Variants in CENPP observed in about 807,000 individuals in gnomAD.
The protein encoded by CENPP is centromere protein P.
In CENPP, 24 loss-of-function variants were observed where a neutral mutation model predicts 35.6. That is an observed-to-expected ratio of 0.67 (90% CI 0.49 to 0.95). The LOEUF (loss-of-function observed/expected upper bound fraction) is 0.95. CENPP is among the 40% of genes least tolerant of loss of function. The probability of loss-of-function intolerance (pLI) is 0.00; values close to 1 mark genes in which losing one functional copy is unlikely to be tolerated. For synonymous variants in CENPP, 120 were observed against 125.5 expected, an observed-to-expected ratio of 0.96 and a Z score of 0.29; for missense variants, 332 against 345.3, an observed-to-expected ratio of 0.96 and a Z score of 0.31.
rs1243791399 is a variant in CENPP at position 92,618,280 on chromosome 9, G to A, written c.*5131G>A. On this transcript the variant is annotated 3_prime_UTR_variant, in exon 8 of 8. Transcript: ENST00000375587. The stretch of plus-strand genomic sequence containing the variant: ...TAGGTCTGAGAAGCCACATGGCTCA[G>A]TGCCTTCAGGACATGCCCTCCCCTC... 1 of 456,604 alleles carries A rather than the reference G, an allele frequency of 2.2e-6. No individual in the cohort carries two copies. The highest frequency in any genetic ancestry group is 4.4e-6 in the Non-Finnish European group (1 of 226,982). 28.3% of individuals were successfully genotyped at this position (456,604 alleles called of 1,614,324 possible).
chr9:92,555,273 G>A (rs1353527221), intron 5 of CENPP, among the ~76,000 whole-genome samples: 2 of 117,346 alleles, frequency 1.7e-5, no homozygotes, highest in East Asian at 2.9e-4. Context: ...TGTTGTCCAA[G>A]CTGGAGTACA....
intron 5 of CENPP, chr9:92,415,588 A>T (rs946030012): frequency 6.5e-5 from 30 of 461,500 alleles, no homozygotes; most frequent in Non-Finnish European, 9.1e-5. Flanking sequence ...GTTAATTAAA[A>T]TATTTATAAA....
chr9:92,466,515 G>A lies in CENPP; in HGVS notation c.564+86656G>A, dbSNP rs569274142. 1.7e-5 allele frequency: 27 copies of A among 1,613,972 alleles called. No homozygotes were observed. In the African/African-American group the frequency reaches 1.9e-4, roughly 11 times the overall value. On this transcript the variant is annotated intron_variant, in intron 5 of 7. Coordinates refer to ENST00000375587, the MANE Select transcript of CENPP (RefSeq NM_001012267.3). ...GATACAGCCTTCGCAACTTCTTTGTGGTTAGAAAGGCTTTTGGGTGAATCT... is the reference window on the plus strand; with the variant it reads ...GATACAGCCTTCGCAACTTCTTTGTAGTTAGAAAGGCTTTTGGGTGAATCT...
chr9:92,505,615 T>G (rs778638700), intron 5 of CENPP: 2 of 1,611,504 alleles, frequency 1.2e-6, no homozygotes, highest in South Asian at 2.2e-5. Context: ...CTTCAAAGGT[T>G]TGAAAGCTAA....
intron 5 of CENPP, among the ~76,000 whole-genome samples, chr9:92,575,747 G>T (rs573091753): frequency 6.6e-6 from 1 of 152,192 alleles, no homozygotes. Context: ...GGGAGGTGGA[G>T]GTTGCAGTGA....
Position 92,332,192 on chromosome 9 carries a change from C to T in CENPP, c.130C>T (p.Gln44Ter), listed in dbSNP as rs199801211. The part of the protein sequence containing the change: ...RVQKSFQAIH[Q>*]FNLEGWKSSK... Reference sequence around the variant, plus strand: ...TAGAAAATCTTTTCAAGCCATACACCAATTCAATTTGGAAGGATGGAAGTC... The same window carrying T: ...TAGAAAATCTTTTCAAGCCATACACTAATTCAATTTGGAAGGATGGAAGTC... The change falls in exon 2 of 8, where the codon CAA (glutamine) becomes TAA (stop). Residue 44 changes from glutamine to a stop codon, truncating the protein, a stop_gained. Coordinates refer to ENST00000375587, the MANE Select transcript of CENPP (RefSeq NM_001012267.3). LOFTEE classifies it high-confidence loss of function. The T allele has an allele frequency of 6.2e-7, 1 of 1,602,952 alleles. No individual in the cohort carries two copies. Among genetic ancestry groups the T allele is most frequent in the Non-Finnish European group, 8.5e-7 (1 of 1,176,136 alleles).
At chr9:92,447,832 GA>G (rs1441988249) in intron 5 of CENPP, among the ~76,000 whole-genome samples, 2 of 152,140 alleles carry the variant, frequency 1.3e-5, no homozygotes, top group Admixed American at 1.3e-4. Flanking sequence ...CAGCTGGGAG[GA>G]AAAACAGAGT....
At chr9:92,517,941 A>G in intron 5 of CENPP, 10 of 1,583,230 alleles carry the variant, frequency 6.3e-6, no homozygotes, top group Non-Finnish European at 8.6e-6. Flanking sequence ...GAATGGAAGT[A>G]AACACAATGT....
intron 5 of CENPP, among the ~76,000 whole-genome samples, chr9:92,504,598 C>T (rs1414370308): frequency 3.9e-5 from 6 of 152,040 alleles, no homozygotes; most frequent in Non-Finnish European, 4.4e-5. Context: ...TGTAGTGGTA[C>T]GATCCTAGCT....
rs1851508420 is a variant in CENPP at position 92,618,250 on chromosome 9, C to CA, written c.*5102dup. ...TTGTGCAGGATGGTTCCAGTGCCTA[C>CA]ACCCTAGGTCTGAGAAGCCACATGG... On this transcript the variant is annotated 3_prime_UTR_variant, in exon 8 of 8. Transcript: ENST00000375587. The CA allele has an allele frequency of 2.2e-6, 1 of 456,592 alleles. No individual in the cohort carries two copies. The highest frequency in any genetic ancestry group is 2.3e-5 in the Admixed American group (1 of 42,562). The allele number at this position is 456,592 out of a possible 1,614,324, so 28.3% of individuals were successfully genotyped here.
At chr9:92,449,782 T>C (rs1183964756) in intron 5 of CENPP, among the ~76,000 whole-genome samples, 3 of 152,000 alleles carry the variant, frequency 2.0e-5, no homozygotes, top group Non-Finnish European at 4.4e-5. Flanking sequence ...GAAATGCTGC[T>C]CCCCCTTCTC....
At chr9:92,347,515 C>T (rs1271203358) in intron 4 of CENPP, among the ~76,000 whole-genome samples, 2 of 152,300 alleles carry the variant, frequency 1.3e-5, no homozygotes, top group East Asian at 1.9e-4. Context: ...GTGTAAGTTA[C>T]CTCTCCTTTT....
intron 5 of CENPP, among the ~76,000 whole-genome samples, chr9:92,561,209 C>T (rs963648906): frequency 2.0e-5 from 3 of 152,150 alleles, no homozygotes; most frequent in Admixed American, 2.0e-4. Flanking sequence ...TCCATTTGGT[C>T]ACCTTGGCTT....
intron 5 of CENPP, among the ~76,000 whole-genome samples, chr9:92,471,052 G>A (rs991668193): frequency 3.9e-5 from 6 of 152,080 alleles, no homozygotes; most frequent in African/African-American, 9.7e-5. Flanking sequence ...AAATTGGAGT[G>A]GCCTTAGTGG....
At chr9:92,385,581 T>C in intron 5 of CENPP, 2 of 1,558,590 alleles carry the variant, frequency 1.3e-6, no homozygotes, top group South Asian at 2.2e-5. Flanking sequence ...AGACTATTAG[T>C]GTAGGTGTAC....
chr9:92,600,632 G>A (rs1850888116), intron 5 of CENPP: 7 of 1,497,776 alleles, frequency 4.7e-6, no homozygotes, highest in East Asian at 2.4e-5. Context: ...TCATGCCCTG[G>A]TCGGCCATCC....
At chr9:92,413,024 G>A (rs2130951276) in intron 5 of CENPP, among the ~76,000 whole-genome samples, 1 of 81,428 alleles carries the variant, frequency 1.2e-5, no homozygotes, top group African/African-American at 5.7e-5. Context: ...TGCTCTTGTT[G>A]CCCAGGCTGG....
chr9:92,325,928 G>A, upstream of CENPP: 1 of 1,360,506 alleles, frequency 7.4e-7, no homozygotes, highest in Non-Finnish European at 1.0e-6. Flanking sequence ...CGCGAGGCTT[G>A]AAGCGCGGGT....
chr9:92,335,276 T>C (rs1840890061), intron 2 of CENPP, among the ~76,000 whole-genome samples: 1 of 152,268 alleles, frequency 6.6e-6, no homozygotes, highest in African/African-American at 2.4e-5. Context: ...AGTGTTCATC[T>C]ATAAAGAAAA....
Sources: allele counts gnomAD v4.1 joint callset (sites outside exome capture counted in the v4.1 genomes callset), GRCh38; gene constraint gnomAD v4.1.1; transcripts MANE v1.5; gene names NCBI Gene and HGNC (gene_info 2026-07-23, HGNC 2026-07-21).